APBA1: variants seen among roughly 807,000 people sequenced by gnomAD.
APBA1 encodes amyloid-beta A4 precursor protein-binding family A member 1.
Under a neutral mutation model 86.6 loss-of-function variants are expected in APBA1, and 55 were observed. That is an observed-to-expected ratio of 0.64 (90% CI 0.51 to 0.80). The LOEUF (loss-of-function observed/expected upper bound fraction) is 0.80. APBA1 is among the 30% of genes least tolerant of loss of function. The pLI is 0.00. For synonymous variants in APBA1, 511 were observed against 493.9 expected, an observed-to-expected ratio of 1.03 and a Z score of -0.46; for missense variants, 1,090 against 1,183.0, an observed-to-expected ratio of 0.92 and a Z score of 1.15.
At chr9:69,612,523 T>A (rs181084195) in intron 1 of APBA1, among the ~76,000 whole-genome samples, 40 of 152,174 alleles carry the variant, frequency 2.6e-4, no homozygotes, top group African/African-American at 8.2e-4. Flanking sequence ...ATATTGGGTG[T>A]ATTAAACATA....
intron 11 of APBA1, among the ~76,000 whole-genome samples, chr9:69,436,229 T>C (rs1425927830): frequency 6.7e-6 from 1 of 150,132 alleles, no homozygotes; most frequent in East Asian, 1.9e-4. Flanking sequence ...TCCAGCTTTG[T>C]TCTTTTAGCT....
chr9:69,579,009 C>G (rs930751826), intron 1 of APBA1, among the ~76,000 whole-genome samples: 3 of 152,144 alleles, frequency 2.0e-5, no homozygotes, highest in East Asian at 1.9e-4. Flanking sequence ...TTAGTGAATG[C>G]AGTTCCAGCA....
intron 1 of APBA1, among the ~76,000 whole-genome samples, chr9:69,569,218 A>T (rs1466197683): frequency 6.6e-6 from 1 of 152,162 alleles, no homozygotes; most frequent in East Asian, 1.9e-4. Flanking sequence ...TCACACACCA[A>T]CACACACACC....
chr9:69,643,411 C>T (rs1178926567), intron 1 of APBA1, among the ~76,000 whole-genome samples: 1 of 152,118 alleles, frequency 6.6e-6, no homozygotes, highest in Non-Finnish European at 1.5e-5. Flanking sequence ...AATTTGCTAA[C>T]AAGGACATGG....
intron 2 of APBA1, among the ~76,000 whole-genome samples, chr9:69,513,956 C>G (rs1183678755): frequency 6.6e-6 from 1 of 152,130 alleles, no homozygotes; most frequent in Non-Finnish European, 1.5e-5. Context: ...ACTCCAAGAT[C>G]CATTTTTAAA....
chr9:69,427,989 A>G lies in APBA1; in HGVS notation c.*3338T>C, dbSNP rs527457291. 6 of 152,356 alleles carry G rather than the reference A, an allele frequency of 3.9e-5. No homozygotes were observed. In the East Asian group the frequency reaches 1.2e-3, roughly 29 times the overall value. 9.4% of individuals were successfully genotyped at this position (152,356 alleles called of 1,614,324 possible). A position where few individuals can be genotyped will look rare whatever the true frequency, so the allele number is the denominator to read the frequency against. On this transcript the variant is annotated 3_prime_UTR_variant, in exon 13 of 13. Transcript: ENST00000265381. ...TCACACACTGCCTTGATGGAGGGGA[A>G]GAAAGATCGAGTTGTGTGCTCAAGT...
At chr9:69,638,045 A>G (rs1416337591) in intron 1 of APBA1, among the ~76,000 whole-genome samples, 1 of 152,238 alleles carries the variant, frequency 6.6e-6, no homozygotes, top group Admixed American at 6.5e-5. Context: ...ACTGAGCAGC[A>G]TTGGCAACCT....
chr9:69,461,239 AGC>A (rs1013233363), intron 5 of APBA1: 2 of 152,162 alleles, frequency 1.3e-5, no homozygotes, highest in African/African-American at 4.8e-5. Context: ...TGCATTTTAA[AGC>A]CAGGAATGAC....
intron 1 of APBA1, among the ~76,000 whole-genome samples, chr9:69,640,470 T>C (rs1823264613): frequency 1.3e-5 from 2 of 151,956 alleles, no homozygotes; most frequent in African/African-American, 2.4e-5. Context: ...TTAAAAAAAT[T>C]AATGTATATA....
chr9:69,631,740 G>A (rs1423501522), intron 1 of APBA1, among the ~76,000 whole-genome samples: 1 of 152,186 alleles, frequency 6.6e-6, no homozygotes, highest in Non-Finnish European at 1.5e-5. Context: ...AAAAGGATGA[G>A]TTCATGTCCT....
chr9:69,514,239 G>C (rs1057222136), intron 2 of APBA1, among the ~76,000 whole-genome samples: 2 of 152,204 alleles, frequency 1.3e-5, no homozygotes, highest in Non-Finnish European at 2.9e-5. Context: ...AGGATACCCT[G>C]ATACCACCAG....
chr9:69,504,661 AC>A (rs1433959510), intron 2 of APBA1, among the ~76,000 whole-genome samples: 1 of 151,904 alleles, frequency 6.6e-6, no homozygotes, highest in Non-Finnish European at 1.5e-5. Flanking sequence ...TCTGTTGGGG[AC>A]TAGGGATCCT....
chr9:69,608,412 G>A (rs369438603), intron 1 of APBA1, among the ~76,000 whole-genome samples: 1 of 152,116 alleles, frequency 6.6e-6, no homozygotes, highest in African/African-American at 2.4e-5. Flanking sequence ...AAGGAAAGGG[G>A]GAGTAGGTGA....
intron 1 of APBA1, among the ~76,000 whole-genome samples, chr9:69,553,835 A>C (rs1015331318): frequency 6.6e-6 from 1 of 152,232 alleles, no homozygotes; most frequent in Non-Finnish European, 1.5e-5. Flanking sequence ...TCTGAATCAA[A>C]ATGATTAAGC....
chr9:69,579,250 A>G (rs531495438), intron 1 of APBA1, among the ~76,000 whole-genome samples: 2 of 152,146 alleles, frequency 1.3e-5, no homozygotes, highest in Non-Finnish European at 2.9e-5. Flanking sequence ...CAGCCACATG[A>G]GGAATGCCCC....
intron 1 of APBA1, among the ~76,000 whole-genome samples, chr9:69,585,984 T>C (rs1822012118): frequency 6.6e-6 from 1 of 152,158 alleles, no homozygotes; most frequent in East Asian, 1.9e-4. Context: ...CACCTATGAA[T>C]ATGTTTGCCT....
intron 1 of APBA1, among the ~76,000 whole-genome samples, chr9:69,636,922 GGAAAGAAAGAAAGAAA>G (rs1164309911): frequency 4.8e-4 from 31 of 63,964 alleles, no homozygotes; most frequent in African/African-American, 1.5e-3. Flanking sequence ...AAGGAAGGAA[GGAAAGAAAGAAAGAAA>G]GAAAGAAAGA....
intron 1 of APBA1, among the ~76,000 whole-genome samples, chr9:69,575,438 G>A (rs927255831): frequency 6.6e-6 from 1 of 152,074 alleles, no homozygotes; most frequent in Non-Finnish European, 1.5e-5. Flanking sequence ...GAGGCGTCAC[G>A]CTACCTGACT....
Position 69,658,675 on chromosome 9 carries a change from G to A in APBA1, c.-70+13478C>T, listed in dbSNP as rs369682432. Among the ~76,000 whole-genome samples, 69 of 151,778 alleles carry A rather than the reference G, an allele frequency of 4.5e-4. No homozygotes were observed. In the South Asian group the frequency reaches 0.014, roughly 30 times the overall value. ...CTGCCTTGGCCTCCTAAAATGCTAG[G>A]ATTACAGGCATGAGCCACTGCACCT... On this transcript the variant is annotated intron_variant, in intron 1 of 12. Transcript: ENST00000265381.
Sources: allele counts gnomAD v4.1 joint callset (sites outside exome capture counted in the v4.1 genomes callset), GRCh38; gene constraint gnomAD v4.1.1; transcripts MANE v1.5; gene names NCBI Gene and HGNC (gene_info 2026-07-23, HGNC 2026-07-21).